NRG1: variants seen among roughly 807,000 people sequenced by gnomAD.
NRG1 encodes neuregulin 1.
A neutral mutation model predicts 63.8 loss-of-function variants in NRG1; 18 were observed. The ratio of observed to expected loss-of-function variants is 0.28; its 90% CI spans 0.19 to 0.42. The LOEUF (loss-of-function observed/expected upper bound fraction) is 0.42. Ranked by LOEUF, NRG1 falls within the 10% of genes least tolerant of loss-of-function variation. NRG1 has a pLI of 1.00. For synonymous variants in NRG1, 302 were observed against 301.3 expected (o/e 1.00, Z -0.02); for missense variants, 762 against 814.7 (o/e 0.94, Z 0.79).
At chr8:32,323,342 T>A (rs188743543) in intron 1 of NRG1, among the ~76,000 whole-genome samples, 13 of 152,340 alleles carry the variant, frequency 8.5e-5, no homozygotes, top group Admixed American at 5.9e-4. Context: ...AGGTTTCCTG[T>A]TGATACCAAC....
intron 1 of NRG1, among the ~76,000 whole-genome samples, chr8:32,557,123 A>G (rs1234790395): frequency 6.6e-6 from 1 of 152,072 alleles, no homozygotes; most frequent in Non-Finnish European, 1.5e-5. Flanking sequence ...CTCCTGCCTC[A>G]GCCTCCCAAG....
At chr8:32,017,522 A>T (rs528215323) in intron 1 of NRG1, among the ~76,000 whole-genome samples, 21 of 152,244 alleles carry the variant, frequency 1.4e-4, no homozygotes, top group Non-Finnish European at 2.2e-4. Flanking sequence ...GCTCAGTCCC[A>T]CAAGACCACC....
intron 1 of NRG1, among the ~76,000 whole-genome samples, chr8:32,295,794 A>C (rs1044008564): frequency 6.6e-6 from 1 of 152,016 alleles, no homozygotes; most frequent in South Asian, 2.1e-4. Context: ...CTAAAGATAC[A>C]AAAAATTAGC....
chr8:32,470,910 G>A (rs1381955090), intron 1 of NRG1, among the ~76,000 whole-genome samples: 2 of 151,702 alleles, frequency 1.3e-5, no homozygotes, highest in Non-Finnish European at 2.9e-5. Context: ...CTATTTTCCC[G>A]CCTTACCTTC....
At chr8:32,679,622 G>A (rs547336715) in intron 5 of NRG1, among the ~76,000 whole-genome samples, 2 of 152,268 alleles carry the variant, frequency 1.3e-5, no homozygotes, top group African/African-American at 4.8e-5. Flanking sequence ...ATCTATTTGA[G>A]TGTTTAGGCA....
At chr8:32,064,359 G>A (rs187519890) in intron 1 of NRG1, among the ~76,000 whole-genome samples, 2 of 152,264 alleles carry the variant, frequency 1.3e-5, no homozygotes, top group African/African-American at 4.8e-5. Flanking sequence ...AGTGTCCTGA[G>A]TTTTCAGGTT....
At chr8:32,174,511 CA>C (rs1213585953) in intron 1 of NRG1, among the ~76,000 whole-genome samples, 2 of 151,962 alleles carry the variant, frequency 1.3e-5, no homozygotes, top group African/African-American at 4.8e-5. Context: ...AATAGAGACA[CA>C]AAAAACCCTT....
rs138138418 is a variant in NRG1, at chr8:31,810,181, C to G, written c.37+170750C>G. On this transcript the variant is annotated intron_variant, in intron 1 of 10. Transcript: ENST00000519301. Reference sequence around the variant, plus strand: ...CATATCTGACTGTCTCTCACCACTCCCCAGCTACATCCCTAATCCAAGTCA... The same window carrying G: ...CATATCTGACTGTCTCTCACCACTCGCCAGCTACATCCCTAATCCAAGTCA... 5.1e-3 allele frequency among the ~76,000 whole-genome samples: 771 copies of G among 152,236 alleles called. 6 individuals carry two copies. Among genetic ancestry groups the G allele is most frequent in the African/African-American group, 0.018 (737 of 41,546 alleles).
chr8:32,524,915 A>G (rs1830677158), intron 1 of NRG1, among the ~76,000 whole-genome samples: 1 of 152,210 alleles, frequency 6.6e-6, no homozygotes, highest in Non-Finnish European at 1.5e-5. Context: ...ACAGCCCTTC[A>G]AATTTATCAA....
intron 5 of NRG1, among the ~76,000 whole-genome samples, chr8:32,645,210 G>A (rs181768145): frequency 1.5e-3 from 223 of 152,276 alleles, no homozygotes; most frequent in African/African-American, 5.2e-3. Flanking sequence ...TTCAATAGAT[G>A]TTTTCTACAC....
At chr8:31,947,910 G>A (rs142186298) in intron 1 of NRG1, among the ~76,000 whole-genome samples, 234 of 125,128 alleles carry the variant, frequency 1.9e-3, no homozygotes, top group Middle Eastern at 7.6e-3. Flanking sequence ...ATGCCACTGC[G>A]CTCCAGCTTG....
At chr8:32,711,238 T>C (rs1242490979) in intron 5 of NRG1, among the ~76,000 whole-genome samples, 1 of 152,026 alleles carries the variant, frequency 6.6e-6, no homozygotes, top group African/African-American at 2.4e-5. Flanking sequence ...TTTTTTTTTT[T>C]TCCAACTGTG....
rs186836836 is a variant in NRG1, at chr8:32,640,357, A to G, written c.502+23472A>G. ...AACACACGTCTCAAAGATGTTTCCC[A>G]TAGTTTATTCATCCCTCTTCTATGT... On this transcript the variant is annotated intron_variant, in intron 5 of 11. Coordinates refer to ENST00000356819, the Ensembl canonical transcript of NRG1. Among the ~76,000 whole-genome samples the G allele has an allele frequency of 9.3e-5, 14 of 151,074 alleles. No homozygotes were observed. In the East Asian group the frequency reaches 2.6e-3, roughly 28 times the overall value.
intron 1 of NRG1, among the ~76,000 whole-genome samples, chr8:31,710,591 G>T (rs1290994153): frequency 2.6e-5 from 4 of 151,860 alleles, no homozygotes; most frequent in East Asian, 3.9e-4. Flanking sequence ...ATACAATGTT[G>T]TTTTTTGCAT....
rs540701110 is a variant in NRG1, at chr8:32,500,997, G to A, written c.38-94831G>A. 5.9e-5 allele frequency among the ~76,000 whole-genome samples: 9 copies of A among 152,286 alleles called. 1 individual carries two copies. In the South Asian group the frequency reaches 1.9e-3, roughly 32 times the overall value. Reference sequence around the variant, plus strand: ...ATAATCTTGAAGTTATTTAAGCAATGTCAGCAGAAGCCTGTACTCCAGAGT... The same window carrying A: ...ATAATCTTGAAGTTATTTAAGCAATATCAGCAGAAGCCTGTACTCCAGAGT... On this transcript the variant is annotated intron_variant, in intron 1 of 10. Transcript: ENST00000519301.
At chr8:32,706,821 C>A (rs1816551125) in intron 5 of NRG1, among the ~76,000 whole-genome samples, 1 of 152,042 alleles carries the variant, frequency 6.6e-6, no homozygotes. Flanking sequence ...CACTTGTATA[C>A]TTTGACTCTG....
At chr8:32,564,095 A>T (rs1836976377) in intron 1 of NRG1, among the ~76,000 whole-genome samples, 1 of 152,102 alleles carries the variant, frequency 6.6e-6, no homozygotes. Context: ...GCCTTTTTAA[A>T]TCAGAGTCAC....
At chr8:31,857,790 T>G (rs768182379) in intron 1 of NRG1, among the ~76,000 whole-genome samples, 81 of 152,322 alleles carry the variant, frequency 5.3e-4, no homozygotes, top group Non-Finnish European at 9.6e-4. Context: ...TCAAGCAATT[T>G]CCTTATTGTA....
At chr8:31,982,203 A>G (rs949670221) in intron 1 of NRG1, among the ~76,000 whole-genome samples, 2 of 152,180 alleles carry the variant, frequency 1.3e-5, no homozygotes, top group Middle Eastern at 3.4e-3. Flanking sequence ...GTCTTCAACA[A>G]CTGAGTGACA....
Sources: gnomAD v4.1 joint callset for allele counts (sites outside exome capture counted in the v4.1 genomes callset) on GRCh38, gnomAD v4.1.1 for gene constraint, MANE v1.5 for transcripts, NCBI Gene and HGNC (gene_info 2026-07-23, HGNC 2026-07-21) for gene names.